The following NHS variants were observed in gnomAD, a reference collection of about 807,000 sequenced individuals.
NHS encodes actin remodeling regulator NHS.
Under a neutral mutation model 72.5 loss-of-function variants are expected in NHS, and 5 were observed. That is an observed-to-expected ratio of 0.07 (90% CI 0.04 to 0.14). The LOEUF (loss-of-function observed/expected upper bound fraction) is 0.14, where lower values mean the gene tolerates loss of function less well. NHS is among the 10% of genes least tolerant of loss of function. The pLI, the probability that NHS is intolerant of heterozygous loss-of-function variation, is 1.00. For missense variants in NHS, 1,072 were observed against 1,355.7 expected (o/e 0.79, Z 3.29); for synonymous variants, 464 against 547.7 (o/e 0.85, Z 2.13).
chrX:17,457,348 C>G (rs1477851439), intron 1 of NHS, among the ~76,000 whole-genome samples: 5 of 111,651 alleles, frequency 4.5e-5, no homozygotes, highest in Non-Finnish European at 7.5e-5. Flanking sequence ...TTCTGGTGAG[C>G]ACCTCGGTAA....
chrX:17,631,217 T>C (rs1028524034), intron 1 of NHS, among the ~76,000 whole-genome samples: 1 of 112,153 alleles, frequency 8.9e-6, no homozygotes, highest in Non-Finnish European at 1.9e-5. Context: ...TTTTCATGTG[T>C]CCTGAAATGT....
chrX:17,491,468 G>A (rs1179400237), intron 1 of NHS, among the ~76,000 whole-genome samples: 6 of 111,910 alleles, frequency 5.4e-5, no homozygotes, highest in Non-Finnish European at 1.1e-4. Context: ...CAGGGATGAA[G>A]CTAACTTGAT....
chrX:17,661,297 C>T (rs889867751), intron 1 of NHS, among the ~76,000 whole-genome samples: 5 of 110,948 alleles, frequency 4.5e-5, no homozygotes, highest in African/African-American at 1.6e-4. Flanking sequence ...GATACATGTG[C>T]AGAACGTGCA....
chrX:17,684,068 G>C (rs2066144935), intron 1 of NHS, among the ~76,000 whole-genome samples: 1 of 111,252 alleles, frequency 9.0e-6, no homozygotes, highest in Non-Finnish European at 1.9e-5. Context: ...TTTATAAAGG[G>C]GAGTTCCCCT....
chrX:17,397,596 TGA>T (rs923697179), intron 1 of NHS, among the ~76,000 whole-genome samples: 8 of 111,935 alleles, frequency 7.1e-5, no homozygotes, highest in Non-Finnish European at 1.3e-4. Flanking sequence ...GACTTTATGC[TGA>T]GAGTAACTTG....
At chrX:17,538,529 G>A (rs1379445549) in intron 1 of NHS, among the ~76,000 whole-genome samples, 2 of 111,729 alleles carry the variant, frequency 1.8e-5, no homozygotes, top group African/African-American at 3.3e-5. Flanking sequence ...AAGCTGGGGT[G>A]TTCTTCATAA....
Position 17,376,088 on chromosome X carries a change from T to TCGGCGG in NHS, c.345_350dup (p.Ala116_Ala117dup), listed in dbSNP as rs587780401. 27 of 1,078,430 alleles carry TCGGCGG rather than the reference T, an allele frequency of 2.5e-5. No individual in the cohort carries two copies. The highest frequency in any genetic ancestry group is 1.4e-4 in the African/African-American group (7 of 50,808). 88.9% of individuals were successfully genotyped at this position (1,078,430 alleles called of 1,213,427 possible). ...GGCGCCCGCAGCCGGCGAGGCGTCC[T>TCGGCGG]CGGCGGCGGCGGCGGCGGCCGTGCT... On this transcript the variant is annotated inframe_insertion, in exon 1 of 9. Transcript: ENST00000676302.
In NHS at chrX:17,725,459, C is replaced by T. The variant is rs767712068; in HGVS notation, c.1353C>T (p.Thr451=). The change falls in exon 7 of 9, where the codon ACC becomes ACT. Residue 451 remains threonine (T), a synonymous_variant. Transcript: ENST00000676302. ...ISGTRDSECQ[T]EDILIAAPSR... ...GAACCAGGGACTCTGAGTGCCAAAC[C>T]GAGGATATTCTGATTGCTGCCCCAT... The T allele has an allele frequency of 2.5e-6, 3 of 1,211,303 alleles. No individual in the cohort carries two copies. Among genetic ancestry groups the T allele is most frequent in the Admixed American group, 2.2e-5 (1 of 45,997 alleles).
intron 1 of NHS, among the ~76,000 whole-genome samples, chrX:17,651,232 G>A (rs112315813): frequency 0.026 from 2,891 of 109,384 alleles, 104 homozygotes; most frequent in African/African-American, 0.097. Context: ...TTAAACTCTG[G>A]GGAAAGGAGC....
intron 1 of NHS, among the ~76,000 whole-genome samples, chrX:17,680,703 GGATTT>G (rs2066122544): frequency 9.0e-6 from 1 of 111,320 alleles, no homozygotes; most frequent in Non-Finnish European, 1.9e-5. Context: ...CCTGCTAAAT[GGATTT>G]CACAATCCAC....
chrX:17,553,718 C>T (rs992379998), intron 1 of NHS, among the ~76,000 whole-genome samples: 8 of 111,480 alleles, frequency 7.2e-5, no homozygotes, highest in Admixed American at 5.7e-4. Context: ...TCCTTATTCA[C>T]GCCCTGGGCA....
chrX:17,589,213 C>G (rs967566007), intron 1 of NHS, among the ~76,000 whole-genome samples: 2 of 111,387 alleles, frequency 1.8e-5, no homozygotes, highest in Admixed American at 9.5e-5. Flanking sequence ...TTTGGTTACA[C>G]AAGTAAGTTC....
intron 1 of NHS, among the ~76,000 whole-genome samples, chrX:17,419,146 C>A (rs1273034595): frequency 8.9e-6 from 1 of 112,594 alleles, no homozygotes; most frequent in Non-Finnish European, 1.9e-5. Context: ...CTTTCATAAA[C>A]AGAATTTTCC....
At chrX:17,660,391 T>C (rs1356982639) in intron 1 of NHS, among the ~76,000 whole-genome samples, 1 of 112,665 alleles carries the variant, frequency 8.9e-6, no homozygotes, top group Admixed American at 9.4e-5. Context: ...AAATTGCTTT[T>C]TGTGGTTGTT....
At chrX:17,683,976 G>C (rs184403436) in intron 1 of NHS, among the ~76,000 whole-genome samples, 1 of 111,990 alleles carries the variant, frequency 8.9e-6, no homozygotes, top group African/African-American at 3.3e-5. Context: ...GAGGGACCTA[G>C]TGGGAGGCAA....
chrX:17,431,974 T>G (rs770209678), intron 1 of NHS, among the ~76,000 whole-genome samples: 3 of 112,106 alleles, frequency 2.7e-5, no homozygotes, highest in Non-Finnish European at 5.6e-5. Context: ...CATTTATGTG[T>G]CTTCATCCCA....
chrX:17,714,330 G>A (rs1050743440), intron 3 of NHS, among the ~76,000 whole-genome samples: 1 of 110,840 alleles, frequency 9.0e-6, no homozygotes, highest in Non-Finnish European at 1.9e-5. Context: ...AAATGATCTT[G>A]AATGAATGAA....
intron 1 of NHS, among the ~76,000 whole-genome samples, chrX:17,686,558 CCA>C (rs935819852): frequency 2.7e-5 from 3 of 112,481 alleles, no homozygotes; most frequent in Non-Finnish European, 3.8e-5. Flanking sequence ...CCCATTCTTT[CCA>C]CAGACATGCT....
At chrX:17,405,849 G>A (rs889339988) in intron 1 of NHS, among the ~76,000 whole-genome samples, 3 of 111,998 alleles carry the variant, frequency 2.7e-5, no homozygotes, top group African/African-American at 6.5e-5. Flanking sequence ...CACACGTGAC[G>A]TGTCCACTCT....
Sources: gnomAD v4.1 joint callset for allele counts (sites outside exome capture counted in the v4.1 genomes callset) on GRCh38, gnomAD v4.1.1 for gene constraint, MANE v1.5 for transcripts, NCBI Gene and HGNC (gene_info 2026-07-23, HGNC 2026-07-21) for gene names.